Variants in AGPAT3 observed in about 807,000 individuals in gnomAD.
AGPAT3 encodes 1-acylglycerol-3-phosphate O-acyltransferase 3.
A neutral mutation model predicts 47.3 loss-of-function variants in AGPAT3; 5 were observed. The observed-to-expected ratio is 0.11, with a 90% CI of 0.06 to 0.22. The LOEUF (loss-of-function observed/expected upper bound fraction) is 0.22, where lower values mean the gene tolerates loss of function less well. Among genes scored for constraint, AGPAT3 ranks in the 10% least tolerant of loss-of-function variants. AGPAT3 has a pLI of 1.00. For synonymous variants in AGPAT3, 212 were observed against 208.3 expected, an observed-to-expected ratio of 1.02 and a Z score of -0.15; for missense variants, 315 against 493.0, an observed-to-expected ratio of 0.64 and a Z score of 3.42.
chr21:43,894,688 G>A (rs186730743), intron 1 of AGPAT3, among the ~76,000 whole-genome samples: 2 of 152,242 alleles, frequency 1.3e-5, no homozygotes, highest in East Asian at 1.9e-4. Context: ...CTTTTATCAA[G>A]TGTTTATCTA....
At chr21:43,884,542 C>T (rs1215714486) in intron 1 of AGPAT3, among the ~76,000 whole-genome samples, 1 of 152,228 alleles carries the variant, frequency 6.6e-6, no homozygotes, top group Non-Finnish European at 1.5e-5. Flanking sequence ...CCTGCTCCTT[C>T]AGAGGCCTGG....
intron 8 of AGPAT3, among the ~76,000 whole-genome samples, chr21:43,978,738 G>A (rs1204744104): frequency 6.6e-6 from 1 of 152,236 alleles, no homozygotes; most frequent in East Asian, 1.9e-4. Context: ...TTACAGGTAT[G>A]TAACAGACAT....
chr21:43,959,008 G>A (rs2088658717), intron 2 of AGPAT3, among the ~76,000 whole-genome samples: 2 of 143,438 alleles, frequency 1.4e-5, no homozygotes, highest in African/African-American at 5.3e-5. Context: ...TGTGTAGCAT[G>A]TGTGTGGTTT....
intron 8 of AGPAT3, among the ~76,000 whole-genome samples, 154 bp downstream of exon 8, chr21:43,978,275 T>G (rs2089696869): frequency 6.7e-6 from 1 of 149,550 alleles, no homozygotes; most frequent in Non-Finnish European, 1.5e-5. Flanking sequence ...CATTTCTTCT[T>G]TCTGTTGTTT....
rs926963657 is a variant in AGPAT3, at chr21:43,932,294, C to T, written c.-48-27340C>T. ...CAAGCCCCCAGCCCCTGGTAACCAC[C>T]GTGCTCCTCCCAGTTCTGGTGAGAC... On this transcript the variant is annotated intron_variant, in intron 2 of 9. Transcript: ENST00000291572. This position sits in a 1 kb window ranked among gnomAD's most constrained non-coding sequence, Gnocchi z 5.2. Among the ~76,000 whole-genome samples the T allele has an allele frequency of 3.9e-5, 6 of 152,182 alleles. No individual in the cohort carries two copies. The highest frequency in any genetic ancestry group is 3.3e-4 in the Admixed American group (5 of 15,280).
At chr21:43,900,038 G>A (rs1001079700) in intron 1 of AGPAT3, among the ~76,000 whole-genome samples, 1 of 152,204 alleles carries the variant, frequency 6.6e-6, no homozygotes, top group African/African-American at 2.4e-5. Flanking sequence ...TTCTGACATA[G>A]AAAATGTACT....
At chr21:43,931,253 T>C (rs2087232268) in intron 2 of AGPAT3, among the ~76,000 whole-genome samples, 1 of 152,132 alleles carries the variant, frequency 6.6e-6, no homozygotes, top group Non-Finnish European at 1.5e-5. Flanking sequence ...GTCCCACTGC[T>C]GGGGTGAGGG....
chr21:43,984,756 A>G lies in AGPAT3; in HGVS notation c.*2364A>G, dbSNP rs143212688. On this transcript the variant is annotated 3_prime_UTR_variant, in exon 10 of 10. Transcript: ENST00000291572. The stretch of plus-strand genomic sequence containing the variant: ...GAAAAGGGGAGGAGAGCTCCTTTAC[A>G]TTTTTTAAATTAAATTCATAAATCC... The G allele has an allele frequency of 2.8e-3, 464 of 163,510 alleles. 1 individual carries two copies. Among genetic ancestry groups the G allele is most frequent in the African/African-American group, 0.011 (442 of 41,066 alleles). The allele number at this position is 163,510 out of a possible 1,614,324, so 10.1% of individuals were successfully genotyped here. A position where few individuals can be genotyped will look rare whatever the true frequency, so the allele number is the denominator to read the frequency against.
chr21:43,984,065 C>G lies in AGPAT3; in HGVS notation c.*1673C>G, dbSNP rs1012752919. On this transcript the variant is annotated 3_prime_UTR_variant, in exon 10 of 10. Transcript: ENST00000291572. Reference sequence around the variant, plus strand: ...TCTCAGGGCGTGTGCGGGACGCCACCTGTGCACACCTGCTCAGAGCACGGC... The same window carrying G: ...TCTCAGGGCGTGTGCGGGACGCCACGTGTGCACACCTGCTCAGAGCACGGC... 5 of 152,294 alleles carry G rather than the reference C, an allele frequency of 3.3e-5. No individual in the cohort carries two copies. The highest frequency in any genetic ancestry group is 7.2e-5 in the African/African-American group (3 of 41,470). The allele number at this position is 152,294 out of a possible 1,614,324, so 9.4% of individuals were successfully genotyped here.
intron 1 of AGPAT3, among the ~76,000 whole-genome samples, chr21:43,879,315 A>G (rs1436564286): frequency 7.1e-6 from 1 of 140,254 alleles, no homozygotes; most frequent in East Asian, 2.1e-4. Context: ...GTGCCACTGC[A>G]CTCCAGCCTA....
Position 43,932,787 on chromosome 21 carries a change from A to G in AGPAT3, c.-48-26847A>G, listed in dbSNP as rs2038095912. 6.6e-6 allele frequency among the ~76,000 whole-genome samples: 1 copy of G among 152,122 alleles called. No homozygotes were observed. Among genetic ancestry groups the G allele is most frequent in the African/African-American group, 2.4e-5 (1 of 41,412 alleles). ...TGCTTCAGCCTCCCGAGTAGCTGGG[A>G]TTACAGACGCCCGCCACCATGCCGG... On this transcript the variant is annotated intron_variant, in intron 2 of 9. Transcript: ENST00000291572. This position sits in a 1 kb window ranked among gnomAD's most constrained non-coding sequence, Gnocchi z 5.2.
At chr21:43,906,236 A>T (rs2086490199) in intron 2 of AGPAT3, among the ~76,000 whole-genome samples, 1 of 152,184 alleles carries the variant, frequency 6.6e-6, no homozygotes, top group African/African-American at 2.4e-5. Flanking sequence ...TATTCACCAA[A>T]CCGGGTGACT....
intron 7 of AGPAT3, among the ~76,000 whole-genome samples, chr21:43,973,648 C>T (rs73373130): frequency 1.3e-5 from 2 of 152,252 alleles, no homozygotes; most frequent in African/African-American, 4.8e-5. Context: ...TCGCTTTGAA[C>T]TTGTAAGGCT....
rs2030387847 is a variant in AGPAT3 at position 43,987,279 on chromosome 21, C to A, written c.*4887C>A. Among the ~76,000 whole-genome samples, 1 of 152,160 alleles carries A rather than the reference C, an allele frequency of 6.6e-6. No individual in the cohort carries two copies. The highest frequency in any genetic ancestry group is 1.5e-5 in the Non-Finnish European group (1 of 68,010). ...CCACGGGCTCTGTTTCCTTGGAGGC[C>A]ATCCTGCCGATGGCACTTTTCAAGG... On this transcript the variant is annotated 3_prime_UTR_variant, in exon 10 of 10. Coordinates refer to ENST00000291572, the MANE Select transcript of AGPAT3 (RefSeq NM_020132.5).
intron 2 of AGPAT3, among the ~76,000 whole-genome samples, chr21:43,929,979 G>A (rs2087186134): frequency 6.6e-6 from 1 of 152,232 alleles, no homozygotes. Flanking sequence ...GTTCTCTGGA[G>A]CACCGACAGC....
chr21:43,963,353 C>A (rs1259067594), intron 3 of AGPAT3, among the ~76,000 whole-genome samples: 1 of 152,078 alleles, frequency 6.6e-6, no homozygotes, highest in East Asian at 1.9e-4. Flanking sequence ...CACATGTAGA[C>A]CAAGCAGAGC....
At chr21:43,918,967 A>G (rs538139269) in intron 2 of AGPAT3, among the ~76,000 whole-genome samples, 1 of 152,114 alleles carries the variant, frequency 6.6e-6, no homozygotes, top group East Asian at 1.9e-4. Context: ...CTACTTTACC[A>G]TCACCATCGT....
chr21:43,869,204 C>T (rs763975805), intron 1 of AGPAT3, among the ~76,000 whole-genome samples: 3 of 152,130 alleles, frequency 2.0e-5, no homozygotes, highest in African/African-American at 4.8e-5. Context: ...CAGCTTTTTA[C>T]GGTACACTTG....
At chr21:43,949,640 A>G (rs2088087417) in intron 2 of AGPAT3, among the ~76,000 whole-genome samples, 2 of 152,234 alleles carry the variant, frequency 1.3e-5, no homozygotes, top group Non-Finnish European at 2.9e-5. Context: ...TACTAAGGGC[A>G]TGTGTTCAGG....
Sources: gnomAD v4.1 joint callset for allele counts (sites outside exome capture counted in the v4.1 genomes callset) on GRCh38, gnomAD v4.1.1 for gene constraint, Gnocchi (gnomAD v3.1) non-coding constraint, MANE v1.5 for transcripts, NCBI Gene and HGNC (gene_info 2026-07-23, HGNC 2026-07-21) for gene names.